Variants in GTF2F2 observed in about 807,000 individuals in gnomAD.
GTF2F2 encodes general transcription factor IIF subunit 2.
In GTF2F2, 23 loss-of-function variants were observed where a neutral mutation model predicts 42.2. The observed-to-expected ratio is 0.55, with a 90% CI of 0.39 to 0.77. The LOEUF is 0.77. Among genes scored for constraint, GTF2F2 ranks in the 30% least tolerant of loss-of-function variants. The pLI is 0.00. For missense variants in GTF2F2, 261 were observed against 287.2 expected (o/e 0.91, Z 0.66); for synonymous variants, 105 against 100.8 (o/e 1.04, Z -0.25).
intron 7 of GTF2F2, among the ~76,000 whole-genome samples, chr13:45,277,988 G>A (rs1877104066): frequency 6.6e-6 from 1 of 152,184 alleles, no homozygotes; most frequent in South Asian, 2.1e-4. Context: ...CCTGTCAAAG[G>A]TGTATGTTTT....
intron 2 of GTF2F2, among the ~76,000 whole-genome samples, chr13:45,143,106 A>C (rs1041799365): frequency 1.3e-5 from 2 of 152,202 alleles, no homozygotes; most frequent in African/African-American, 2.4e-5. Context: ...TGGAAAAAAA[A>C]ATTAATGTCT....
At chr13:45,122,350 A>G (rs908977512) in intron 1 of GTF2F2, among the ~76,000 whole-genome samples, 5 of 152,046 alleles carry the variant, frequency 3.3e-5, no homozygotes, top group Admixed American at 3.3e-4. Context: ...TTATCACAGG[A>G]TCGGGCTGGG....
At chr13:45,176,371 G>T (rs371293913) in intron 4 of GTF2F2, among the ~76,000 whole-genome samples, 5 of 152,094 alleles carry the variant, frequency 3.3e-5, no homozygotes, top group African/African-American at 1.2e-4. Context: ...TTCTCACTGT[G>T]GTTTGATTTG....
intron 4 of GTF2F2, among the ~76,000 whole-genome samples, chr13:45,172,665 A>G (rs765018181): frequency 6.6e-6 from 1 of 152,144 alleles, no homozygotes; most frequent in South Asian, 2.1e-4. Context: ...ATTCTTTTCC[A>G]TGCAGCTATC....
intron 4 of GTF2F2, among the ~76,000 whole-genome samples, chr13:45,192,340 TTTACA>T (rs1185288933): frequency 7.2e-5 from 11 of 152,150 alleles, no homozygotes; most frequent in Admixed American, 2.0e-4. Context: ...ACAGCCAACT[TTTACA>T]TTACATTAGA....
At chr13:45,228,815 C>T (rs767970458) in intron 5 of GTF2F2, among the ~76,000 whole-genome samples, 2 of 151,966 alleles carry the variant, frequency 1.3e-5, no homozygotes, top group Non-Finnish European at 2.9e-5. Context: ...GGATTACAGG[C>T]ATGCGCCACC....
intron 4 of GTF2F2, 79 bp downstream of exon 4, chr13:45,151,910 G>GC: frequency 3.5e-6 from 1 of 286,178 alleles, no homozygotes; most frequent in Non-Finnish European, 5.9e-6. Context: ...ACTCCTATTT[G>GC]CTTTTTTTTT....
At chr13:45,172,585 C>G (rs1871653147) in intron 4 of GTF2F2, among the ~76,000 whole-genome samples, 2 of 152,020 alleles carry the variant, frequency 1.3e-5, no homozygotes, top group Admixed American at 1.3e-4. Context: ...ATCATCTTAG[C>G]TCTTTGATTT....
chr13:45,263,200 G>A (rs1006241024), intron 6 of GTF2F2, among the ~76,000 whole-genome samples: 5 of 151,582 alleles, frequency 3.3e-5, no homozygotes, highest in Admixed American at 1.3e-4. Context: ...TCTTGCTATC[G>A]TTATTTTGTA....
intron 6 of GTF2F2, 61 bp from the exon 7 acceptor site, chr13:45,267,172 C>G: frequency 7.3e-7 from 1 of 1,362,746 alleles, no homozygotes; most frequent in Non-Finnish European, 1.0e-6. Context: ...AAGAGAATGC[C>G]TGTGTTTTAG....
At chr13:45,172,078 G>T (rs1470891027) in intron 4 of GTF2F2, among the ~76,000 whole-genome samples, 2 of 152,066 alleles carry the variant, frequency 1.3e-5, no homozygotes, top group African/African-American at 4.8e-5. Flanking sequence ...ACAAGTTTTT[G>T]TGGGAACTTA....
rs61077504 is a variant in GTF2F2 at position 45,235,041 on chromosome 13, C to CAAAAAAAAA, written c.387-17808_387-17800dup. Reference sequence around the variant, plus strand: ...GCCTGGGCAACAAGAGCGGGAAACTCAAAAAAAAAAAAAAAAAAAAAAAAA... The same window carrying CAAAAAAAAA: ...GCCTGGGCAACAAGAGCGGGAAACTCAAAAAAAAAAAAAAAAAAAAAAAAAAAAAAAAAA... On this transcript the variant is annotated intron_variant, in intron 5 of 7. Transcript: ENST00000340473. 2.3e-4 allele frequency among the ~76,000 whole-genome samples: 10 copies of CAAAAAAAAA among 43,704 alleles called. 1 individual carries two copies. The highest frequency in any genetic ancestry group is 2.9e-4 in the Non-Finnish European group (7 of 24,016). 28.7% of individuals were successfully genotyped at this position (43,704 alleles called of 152,430 possible). A position where few individuals can be genotyped will look rare whatever the true frequency, so the allele number is the denominator to read the frequency against.
chr13:45,229,820 C>A (rs964664993), intron 5 of GTF2F2, among the ~76,000 whole-genome samples: 16 of 152,274 alleles, frequency 1.1e-4, no homozygotes, highest in Non-Finnish European at 1.3e-4. Flanking sequence ...TTTCTCCTCT[C>A]CCCTGCCCCC....
intron 5 of GTF2F2, among the ~76,000 whole-genome samples, chr13:45,245,306 T>A (rs1368387742): frequency 9.2e-5 from 14 of 151,720 alleles, no homozygotes; most frequent in Admixed American, 7.2e-4. Flanking sequence ...TTTTTTTTTT[T>A]AATTTTTAGT....
At chr13:45,244,206 G>A in intron 5 of GTF2F2, among the ~76,000 whole-genome samples, 1 of 152,134 alleles carries the variant, frequency 6.6e-6, no homozygotes, top group Non-Finnish European at 1.5e-5. Context: ...TGACTGTCAA[G>A]GAGAAATTAC....
chr13:45,207,319 G>T, intron 4 of GTF2F2, 105 bp from the exon 5 acceptor site: 2 of 659,850 alleles, frequency 3.0e-6, no homozygotes, highest in Non-Finnish European at 5.3e-6. Flanking sequence ...CTTGATTTTT[G>T]ATATTAATTA....
At chr13:45,263,393 T>G (rs1876427003) in intron 6 of GTF2F2, among the ~76,000 whole-genome samples, 1 of 152,088 alleles carries the variant, frequency 6.6e-6, no homozygotes, top group Non-Finnish European at 1.5e-5. Context: ...CATGCCCGGC[T>G]AATTTTTTGT....
At chr13:45,200,278 C>T (rs1873111017) in intron 4 of GTF2F2, among the ~76,000 whole-genome samples, 1 of 151,860 alleles carries the variant, frequency 6.6e-6, no homozygotes. Flanking sequence ...AACAATGTGG[C>T]TGCTTGATGT....
At chr13:45,274,086 T>C (rs1436011842) in intron 7 of GTF2F2, among the ~76,000 whole-genome samples, 1 of 152,186 alleles carries the variant, frequency 6.6e-6, no homozygotes, top group African/African-American at 2.4e-5. Flanking sequence ...CTGCCAGCAC[T>C]GGCCTTCTTC....
Sources: gnomAD v4.1 joint callset for allele counts (sites outside exome capture counted in the v4.1 genomes callset) on GRCh38, gnomAD v4.1.1 for gene constraint, MANE v1.5 for transcripts, NCBI Gene and HGNC (gene_info 2026-07-23, HGNC 2026-07-21) for gene names.